The following ALOX5 variants were observed in gnomAD, a reference collection of about 807,000 sequenced individuals.
The protein encoded by ALOX5 is arachidonate 5-lipoxygenase, also known as polyunsaturated fatty acid 5-lipoxygenase.
Under a neutral mutation model 87.9 loss-of-function variants are expected in ALOX5, and 64 were observed. The observed-to-expected ratio is 0.73, with a 90% CI of 0.60 to 0.90. The LOEUF (loss-of-function observed/expected upper bound fraction) is 0.90, where lower values mean the gene tolerates loss of function less well. ALOX5 is among the 40% of genes least tolerant of loss of function. The pLI, the probability that ALOX5 is intolerant of heterozygous loss-of-function variation, is 0.00. For synonymous variants in ALOX5, 388 were observed against 355.1 expected (o/e 1.09, Z -1.04); for missense variants, 822 against 907.5 (o/e 0.91, Z 1.21).
intron 12 of ALOX5, 104 bp from the exon 13 acceptor site, chr10:45,444,012 C>A: frequency 6.9e-7 from 1 of 1,447,708 alleles, no homozygotes; most frequent in Non-Finnish European, 9.2e-7. Context: ...GGACGGACTG[C>A]AGGGCCCGCT....
chr10:45,427,916 C>G lies in ALOX5; in HGVS notation c.835-702C>G, dbSNP rs573090531. On this transcript the variant is annotated intron_variant, in intron 6 of 13. Coordinates refer to ENST00000374391, the MANE Select transcript of ALOX5 (RefSeq NM_000698.5). The stretch of plus-strand genomic sequence containing the variant: ...AAGCCCGACGAATTTACACCAATGA[C>G]CCGCCGTGTCGCCAGTCTCAGACCA... Among the ~76,000 whole-genome samples, 9 of 152,298 alleles carry G rather than the reference C, an allele frequency of 5.9e-5. No individual in the cohort carries two copies. In the South Asian group the frequency reaches 6.2e-4, roughly 11 times the overall value.
At chr10:45,408,383 G>A (rs1438922472) in intron 3 of ALOX5, among the ~76,000 whole-genome samples, 1 of 152,140 alleles carries the variant, frequency 6.6e-6, no homozygotes, top group African/African-American at 2.4e-5. Context: ...TGGGGGAGGG[G>A]AGCTTCCAGG....
At chr10:45,444,398 T>A in intron 13 of ALOX5, 112 bp downstream of exon 13, 2 of 1,382,170 alleles carry the variant, frequency 1.4e-6, no homozygotes, top group Admixed American at 2.7e-5. Flanking sequence ...AAAGGAATCC[T>A]GACTTCCAAG....
Position 45,395,872 on chromosome 10 carries a change from G to T in ALOX5, c.367G>T (p.Asp123Tyr). Residue 123 changes from aspartate to tyrosine, a missense_variant, in exon 3 of 14, where the codon GAC becomes TAC. By Grantham distance (160) the Asp-to-Tyr change is radical. Coordinates refer to ENST00000374391, the MANE Select transcript of ALOX5 (RefSeq NM_000698.5). Reference protein sequence around the residue: ...RDGRAKLARDDQIHILKQHRR... With the variant: ...RDGRAKLARDYQIHILKQHRR... Reference sequence around the variant, plus strand: ...CTTTACAGCAAAGTTGGCCCGAGATGACCAAATTCACATTCTCAAGCAACA... The same window carrying T: ...CTTTACAGCAAAGTTGGCCCGAGATTACCAAATTCACATTCTCAAGCAACA... 6.2e-7 allele frequency: 1 copy of T among 1,614,234 alleles called. No homozygotes were observed. Among genetic ancestry groups the T allele is most frequent in the East Asian group, 2.2e-5 (1 of 44,890 alleles).
At chr10:45,405,679 G>A (rs553385208) in intron 3 of ALOX5, among the ~76,000 whole-genome samples, 32 of 150,878 alleles carry the variant, frequency 2.1e-4, no homozygotes, top group African/African-American at 6.8e-4. Flanking sequence ...TACTTCCCCC[G>A]TAATTTTGTC....
chr10:45,384,827 T>C (rs958485776), intron 2 of ALOX5, among the ~76,000 whole-genome samples: 1 of 150,852 alleles, frequency 6.6e-6, no homozygotes, highest in Non-Finnish European at 1.5e-5. Context: ...TCAAAGAATT[T>C]GTGGCCTATT....
In ALOX5 at chr10:45,410,097, T is replaced by C. The variant is rs187583648; in HGVS notation, c.432-2094T>C. On this transcript the variant is annotated intron_variant, in intron 3 of 13. Coordinates refer to ENST00000374391, the MANE Select transcript of ALOX5 (RefSeq NM_000698.5). The stretch of plus-strand genomic sequence containing the variant: ...AGATGCCCTTGCATGGCTCATTGTT[T>C]ACATACTGAAAAACATCTAGCTCCA... 2.8e-4 allele frequency among the ~76,000 whole-genome samples: 43 copies of C among 152,402 alleles called. No individual in the cohort carries two copies. The South Asian group carries it at 7.2e-3, about 26-fold the overall frequency.
chr10:45,430,023 C>T (rs763119898), intron 7 of ALOX5, among the ~76,000 whole-genome samples: 6 of 152,208 alleles, frequency 3.9e-5, no homozygotes, highest in Non-Finnish European at 5.9e-5. Context: ...CTCAGAGGAG[C>T]TTCCTGTCTG....
intron 9 of ALOX5, among the ~76,000 whole-genome samples, chr10:45,442,058 A>G (rs1842251911): frequency 6.6e-6 from 1 of 152,196 alleles, no homozygotes; most frequent in African/African-American, 2.4e-5. Context: ...TGCAAATGAC[A>G]AAACCCAACT....
intron 7 of ALOX5, among the ~76,000 whole-genome samples, chr10:45,429,837 T>C (rs974232506): frequency 1.3e-5 from 2 of 152,184 alleles, no homozygotes; most frequent in African/African-American, 4.8e-5. Flanking sequence ...CCTATCTTTA[T>C]TTGTGTAATC....
chr10:45,428,156 G>A (rs1463480434), intron 6 of ALOX5, among the ~76,000 whole-genome samples: 18 of 123,756 alleles, frequency 1.5e-4, no homozygotes, highest in Non-Finnish European at 2.0e-4. Context: ...CCCACCCGGC[G>A]GACAGCCCCG....
intron 4 of ALOX5, among the ~76,000 whole-genome samples, chr10:45,419,675 G>A (rs1205467535): frequency 1.3e-5 from 2 of 152,258 alleles, no homozygotes; most frequent in African/African-American, 4.8e-5. Flanking sequence ...AGCCGGGGAG[G>A]TGGAAGCTGC....
chr10:45,400,691 C>T (rs1379688669), intron 3 of ALOX5, among the ~76,000 whole-genome samples: 9 of 152,310 alleles, frequency 5.9e-5, no homozygotes, highest in South Asian at 2.1e-4. Flanking sequence ...AACTCACTTA[C>T]GGAAGACCCC....
At chr10:45,389,970 A>G (rs939608222) in intron 2 of ALOX5, among the ~76,000 whole-genome samples, 15 of 152,370 alleles carry the variant, frequency 9.8e-5, no homozygotes, top group Middle Eastern at 3.4e-3. Flanking sequence ...GGAGACACAC[A>G]TAAGCTCAAA....
At chr10:45,409,505 G>GTC (rs775559364) in intron 3 of ALOX5, among the ~76,000 whole-genome samples, 18 of 95,810 alleles carry the variant, frequency 1.9e-4, no homozygotes, top group Admixed American at 7.1e-4. Context: ...CTCTCTGTCT[G>GTC]TCTGTCTCTC....
chr10:45,396,245 C>T (rs980108725), intron 3 of ALOX5, among the ~76,000 whole-genome samples: 1 of 152,148 alleles, frequency 6.6e-6, no homozygotes, highest in African/African-American at 2.4e-5. Context: ...CTTCTTATGT[C>T]TTCTTATAAC....
intron 1 of ALOX5, among the ~76,000 whole-genome samples, chr10:45,378,014 C>T (rs1344637352): frequency 6.6e-6 from 1 of 152,204 alleles, no homozygotes; most frequent in Non-Finnish European, 1.5e-5. Flanking sequence ...ACGCCACCCA[C>T]TTCTGTCCCC....
At chr10:45,416,862 A>G (rs1253017119) in intron 4 of ALOX5, among the ~76,000 whole-genome samples, 1 of 151,656 alleles carries the variant, frequency 6.6e-6, no homozygotes, top group Non-Finnish European at 1.5e-5. Flanking sequence ...GGATGGATAG[A>G]TGGGTGGATG....
chr10:45,405,893 C>A (rs1365293143), intron 3 of ALOX5, among the ~76,000 whole-genome samples: 1 of 152,160 alleles, frequency 6.6e-6, no homozygotes, highest in African/African-American at 2.4e-5. Flanking sequence ...CGTGCGCCAC[C>A]ATGCCCCACT....
Sources: gnomAD v4.1 joint callset for allele counts (sites outside exome capture counted in the v4.1 genomes callset) on GRCh38, gnomAD v4.1.1 for gene constraint, MANE v1.5 for transcripts, NCBI Gene and HGNC (gene_info 2026-07-23, HGNC 2026-07-21) for gene names.